Variants in ALOX5AP observed in about 807,000 individuals in gnomAD.
ALOX5AP encodes the protein arachidonate 5-lipoxygenase-activating protein.
In ALOX5AP, 9 loss-of-function variants were observed where a neutral mutation model predicts 18.5. The ratio of observed to expected loss-of-function variants is 0.49; its 90% CI spans 0.29 to 0.85. ALOX5AP has a LOEUF of 0.85. Among genes scored for constraint, ALOX5AP ranks in the 40% least tolerant of loss-of-function variants. The probability of loss-of-function intolerance (pLI) is 0.08; values close to 1 mark genes in which losing one functional copy is unlikely to be tolerated. For synonymous variants in ALOX5AP, 81 were observed against 78.6 expected (o/e 1.03, Z -0.16); for missense variants, 172 against 202.5 (o/e 0.85, Z 0.91).
At chr13:30,737,263 G>A (rs192031478) in intron 1 of ALOX5AP, among the ~76,000 whole-genome samples, 30 of 152,306 alleles carry the variant, frequency 2.0e-4, no homozygotes, top group Non-Finnish European at 3.7e-4. Context: ...TGAACTGTGG[G>A]AAGCTTCAGA....
chr13:30,763,986 G>C lies in ALOX5AP; in HGVS notation c.366G>C (p.Leu122=), dbSNP rs201653839. ...YIFGKRIILF[L]FLMSVAGIFN... is the part of the protein sequence containing the mutation. The stretch of plus-strand genomic sequence containing the variant: ...TTGGGAAACGCATCATACTCTTCCT[G>C]TTCCTCATGTCCGTTGCTGGCATAT... The change falls in exon 5 of 5, where the codon CTG becomes CTC. Residue 122 remains leucine (L), a synonymous_variant. Coordinates refer to ENST00000380490, the MANE Select transcript of ALOX5AP (RefSeq NM_001629.4). The C allele has an allele frequency of 6.2e-7, 1 of 1,614,096 alleles. No individual in the cohort carries two copies. The highest frequency in any genetic ancestry group is 1.3e-5 in the African/African-American group (1 of 75,020).
Position 30,762,122 on chromosome 13 carries a change from G to C in ALOX5AP, c.324-1822G>C, listed in dbSNP as rs139834971. ...TTCTGATGTGAGTGGGTCCCACAGG[G>C]AGCTTGTTAAAATGCAGATTCTGAT... On this transcript the variant is annotated intron_variant, in intron 4 of 4. Transcript: ENST00000380490. Among the ~76,000 whole-genome samples, 976 of 152,328 alleles carry C rather than the reference G, an allele frequency of 6.4e-3. 12 individuals carry two copies. Among genetic ancestry groups the C allele is most frequent in the African/African-American group, 0.022 (929 of 41,574 alleles).
At chr13:30,758,376 A>C (rs1951913562) in intron 4 of ALOX5AP, among the ~76,000 whole-genome samples, 13 of 152,162 alleles carry the variant, frequency 8.5e-5, no homozygotes, top group Admixed American at 8.5e-4. Flanking sequence ...GACCTGCTTT[A>C]GTTCTTGACC....
At chr13:30,756,056 G>T in intron 4 of ALOX5AP, 31 bp downstream of exon 4, 1 of 1,595,652 alleles carries the variant, frequency 6.3e-7, no homozygotes, top group South Asian at 1.1e-5. Context: ...AAGAACTGTG[G>T]AGCGATTCCT....
intron 4 of ALOX5AP, among the ~76,000 whole-genome samples, chr13:30,760,966 G>C (rs923518285): frequency 6.6e-6 from 1 of 152,182 alleles, no homozygotes; most frequent in Non-Finnish European, 1.5e-5. Flanking sequence ...TAATGACCCT[G>C]GTGTGCGCTG....
At position 30,762,686 on chromosome 13, in the gene ALOX5AP, G is replaced by A. The variant is rs914055988; in HGVS notation, c.324-1258G>A. Among the ~76,000 whole-genome samples the A allele has an allele frequency of 2.6e-5, 4 of 152,316 alleles. No individual in the cohort carries two copies. The South Asian group carries it at 6.2e-4, about 24-fold the overall frequency. ...TAAAATTTCTAATATTAAACCTGTG[G>A]ATGCCAAATGCTGCTCTCTGATTAT... On this transcript the variant is annotated intron_variant, in intron 4 of 4. Coordinates refer to ENST00000380490, the MANE Select transcript of ALOX5AP (RefSeq NM_001629.4).
upstream of ALOX5AP, among the ~76,000 whole-genome samples, chr13:30,731,913 C>A (rs1468594537): frequency 6.6e-6 from 1 of 152,262 alleles, no homozygotes; most frequent in Non-Finnish European, 1.5e-5. Flanking sequence ...CTCCCCTCCC[C>A]GGCTCTCCCG....
At position 30,752,083 on chromosome 13, in the gene ALOX5AP, C is replaced by A; in HGVS notation, c.202C>A (p.Leu68Ile). The change falls in exon 3 of 5, where the codon CTC (leucine) becomes ATC (isoleucine). Residue 68 changes from leucine (L) to isoleucine (I), a missense_variant. By Grantham distance (5) the Leu-to-Ile change is conservative (BLOSUM62 2). Coordinates refer to ENST00000380490, the MANE Select transcript of ALOX5AP (RefSeq NM_001629.4). ...QNCVDAYPTF[L>I]AVLWSAGLLC... ...CTGTGTAGATGCGTACCCCACTTTCCTCGCTGTGCTCTGGTCTGCGGGGCT... is the reference window on the plus strand; with the variant it reads ...CTGTGTAGATGCGTACCCCACTTTCATCGCTGTGCTCTGGTCTGCGGGGCT... 6.2e-7 allele frequency: 1 copy of A among 1,613,024 alleles called. No homozygotes were observed.
Position 30,755,801 on chromosome 13 carries a change from G to T in ALOX5AP, c.242-143G>T, listed in dbSNP as rs994936090. ...TTACCAGTATTAGGAAGGTTCTCAG[G>T]TTTCCTCTAGCCCTTGGGCTCTTTT... is the stretch of plus-strand genomic sequence containing the variant. On this transcript the variant is annotated intron_variant, in intron 3 of 4. Coordinates refer to ENST00000380490, the MANE Select transcript of ALOX5AP (RefSeq NM_001629.4). 7 of 720,038 alleles carry T rather than the reference G, an allele frequency of 9.7e-6. No homozygotes were observed. In the African/African-American group the frequency reaches 1.2e-4, roughly 13 times the overall value. The allele number at this position is 720,038 out of a possible 1,614,324, so 44.6% of individuals were successfully genotyped here.
chr13:30,739,046 C>T (rs1439000790), intron 1 of ALOX5AP, among the ~76,000 whole-genome samples: 1 of 152,078 alleles, frequency 6.6e-6, no homozygotes, highest in African/African-American at 2.4e-5. Context: ...CATGAAGTTC[C>T]CCCAAAGCAG....
Position 30,752,090 on chromosome 13 carries a change from T to G in ALOX5AP, c.209T>G (p.Val70Gly), listed in dbSNP as rs771580492. 3 of 1,612,936 alleles carry G rather than the reference T, an allele frequency of 1.9e-6. No individual in the cohort carries two copies. The change falls in exon 3 of 5, where the codon GTG becomes GGG. Residue 70 changes from valine to glycine, a missense_variant. Transcript: ENST00000380490. ...CVDAYPTFLA[V>G]LWSAGLLCSQ... is the part of the protein sequence containing the mutation. The stretch of plus-strand genomic sequence containing the variant: ...GATGCGTACCCCACTTTCCTCGCTG[T>G]GCTCTGGTCTGCGGGGCTACTTTGC...
chr13:30,743,315 A>G (rs12431114), intron 1 of ALOX5AP, among the ~76,000 whole-genome samples: 11,534 of 152,164 alleles, frequency 0.076, 631 homozygotes, highest in Admixed American at 0.17. Flanking sequence ...ATTTTGCTTA[A>G]TGTGGATGAT....
At chr13:30,721,384 C>T (rs537385188) in intron 1 of ALOX5AP, among the ~76,000 whole-genome samples, 2 of 152,196 alleles carry the variant, frequency 1.3e-5, no homozygotes, top group African/African-American at 2.4e-5. Flanking sequence ...GCTAAAGGGT[C>T]TTGAGAGGGA....
chr13:30,737,496 C>T (rs949992631), intron 1 of ALOX5AP, among the ~76,000 whole-genome samples: 5 of 152,138 alleles, frequency 3.3e-5, no homozygotes, highest in African/African-American at 4.8e-5. Context: ...TAAAGATGGC[C>T]AAATGTCTGA....
At chr13:30,723,358 T>A (rs1951609309) in intron 1 of ALOX5AP, among the ~76,000 whole-genome samples, 1 of 152,248 alleles carries the variant, frequency 6.6e-6, no homozygotes, top group Non-Finnish European at 1.5e-5. Context: ...TTGAAAAGAC[T>A]ATCTTTGCTC....
intron 2 of ALOX5AP, among the ~76,000 whole-genome samples, chr13:30,750,193 A>G (rs1001207123): frequency 1.3e-5 from 2 of 152,152 alleles, no homozygotes; most frequent in Admixed American, 1.3e-4. Flanking sequence ...GAGAACTGCC[A>G]CCTTCGACCA....
At chr13:30,720,865 G>A (rs981986960) in intron 1 of ALOX5AP, among the ~76,000 whole-genome samples, 1 of 152,130 alleles carries the variant, frequency 6.6e-6, no homozygotes, top group Non-Finnish European at 1.5e-5. Flanking sequence ...TAAGAGAATG[G>A]GTTGTCTGTA....
chr13:30,721,603 G>A (rs1208280079), intron 1 of ALOX5AP, among the ~76,000 whole-genome samples: 1 of 152,092 alleles, frequency 6.6e-6, no homozygotes, highest in Non-Finnish European at 1.5e-5. Flanking sequence ...GACCCCAGCT[G>A]CTCTCCCTGT....
intron 2 of ALOX5AP, among the ~76,000 whole-genome samples, chr13:30,748,065 T>C (rs1322109720): frequency 6.6e-6 from 1 of 152,100 alleles, no homozygotes; most frequent in East Asian, 1.9e-4. Context: ...GATTACAGCA[T>C]GCACCACCAT....
Sources: allele counts gnomAD v4.1 joint callset (sites outside exome capture counted in the v4.1 genomes callset), GRCh38; gene constraint gnomAD v4.1.1; transcripts MANE v1.5; gene names NCBI Gene and HGNC (gene_info 2026-07-23, HGNC 2026-07-21).